CPA6: variants seen among roughly 807,000 people sequenced by gnomAD.
The protein encoded by CPA6 is carboxypeptidase B.
Under a neutral mutation model 63.3 loss-of-function variants are expected in CPA6, and 58 were observed. The ratio of observed to expected loss-of-function variants is 0.92; its 90% CI spans 0.74 to 1.14. CPA6 has a LOEUF of 1.14. Ranked by LOEUF, CPA6 falls within the 50% of genes most tolerant of loss-of-function variation. CPA6 has a pLI of 0.00. For synonymous variants in CPA6, 185 were observed against 179.0 expected (o/e 1.03, Z -0.27); for missense variants, 565 against 526.6 (o/e 1.07, Z -0.71).
At chr8:67,715,025 G>C (rs1817348369) in intron 1 of CPA6, among the ~76,000 whole-genome samples, 1 of 152,204 alleles carries the variant, frequency 6.6e-6, no homozygotes. Context: ...TCACCGATAA[G>C]AGAACTACTC....
In CPA6 at chr8:67,475,926, CTTTCTTTCTCTTTCTTTCTCTG is replaced by C. The variant is rs1162454615; in HGVS notation, c.838+7820_838+7841del. Among the ~76,000 whole-genome samples, 34 of 81,224 alleles carry C rather than the reference CTTTCTTTCTCTTTCTTTCTCTG, an allele frequency of 4.2e-4. 1 individual carries two copies. The highest frequency in any genetic ancestry group is 2.1e-3 in the African/African-American group (34 of 16,144). The allele number at this position is 81,224 out of a possible 152,430, so 53.3% of individuals were successfully genotyped here. ...TCTTTCTTTCTTTCTTTCTTTCTTT[CTTTCTTTCTCTTTCTTTCTCTG>C]TCTTTCTTTCTCTTTCTCTCTCTCT... On this transcript the variant is annotated intron_variant, in intron 8 of 10. Transcript: ENST00000297770.
intron 9 of CPA6, among the ~76,000 whole-genome samples, chr8:67,430,294 C>G (rs368975864): frequency 1.9e-4 from 29 of 151,550 alleles, no homozygotes; most frequent in African/African-American, 6.5e-4. Flanking sequence ...ATTCTCCTGC[C>G]TTAGCCTCCC....
intron 6 of CPA6, among the ~76,000 whole-genome samples, chr8:67,492,522 C>T (rs868639610): frequency 2.6e-5 from 4 of 151,944 alleles, no homozygotes; most frequent in South Asian, 4.1e-4. Context: ...CAGTATTTCT[C>T]ATGATTTAAA....
chr8:67,665,753 G>A (rs1194813738), intron 1 of CPA6, among the ~76,000 whole-genome samples: 1 of 152,174 alleles, frequency 6.6e-6, no homozygotes, highest in Admixed American at 6.5e-5. Context: ...TAAAGTTTGA[G>A]CATGAGCTTT....
chr8:67,587,393 C>T (rs1813971717), intron 2 of CPA6, among the ~76,000 whole-genome samples: 1 of 152,070 alleles, frequency 6.6e-6, no homozygotes, highest in African/African-American at 2.4e-5. Context: ...GGAGTTGGGG[C>T]TAGACTGGAG....
chr8:67,621,508 A>G (rs1323435712), intron 2 of CPA6, among the ~76,000 whole-genome samples: 3 of 152,234 alleles, frequency 2.0e-5, no homozygotes, highest in Admixed American at 6.5e-5. Flanking sequence ...TTTGGGTCCT[A>G]GAGGGCTTGA....
intron 1 of CPA6, chr8:67,735,111 AAG>A (rs1473583447): frequency 6.6e-6 from 1 of 152,210 alleles, no homozygotes; most frequent in African/African-American, 2.4e-5. Flanking sequence ...AGAAAGCAGG[AAG>A]AGTGTGTTGA....
At chr8:67,480,127 A>G (rs1258122688) in intron 8 of CPA6, among the ~76,000 whole-genome samples, 1 of 152,180 alleles carries the variant, frequency 6.6e-6, no homozygotes, top group Non-Finnish European at 1.5e-5. Flanking sequence ...AAGAGTTATT[A>G]TGTTTCAATA....
chr8:67,646,854 T>C (rs1384863661), intron 1 of CPA6, among the ~76,000 whole-genome samples: 1 of 152,196 alleles, frequency 6.6e-6, no homozygotes, highest in African/African-American at 2.4e-5. Context: ...AGACAGTCCA[T>C]GTTTCTGCAG....
At chr8:67,546,134 T>G (rs931679163) in intron 2 of CPA6, among the ~76,000 whole-genome samples, 8 of 152,086 alleles carry the variant, frequency 5.3e-5, no homozygotes, top group Non-Finnish European at 1.5e-5. Context: ...TCAGGTTTTG[T>G]GGGAACCTGA....
chr8:67,603,796 C>T (rs1462364869), intron 2 of CPA6, among the ~76,000 whole-genome samples: 1 of 152,186 alleles, frequency 6.6e-6, no homozygotes. Context: ...TTGCTAACCC[C>T]AGATCAAACT....
intron 1 of CPA6, among the ~76,000 whole-genome samples, chr8:67,637,074 G>A (rs1815484802): frequency 6.6e-6 from 1 of 151,580 alleles, no homozygotes; most frequent in South Asian, 2.1e-4. Context: ...CTTCACTCTT[G>A]GATTAAAGTT....
intron 8 of CPA6, among the ~76,000 whole-genome samples, chr8:67,439,305 A>G (rs1810234430): frequency 6.6e-6 from 1 of 150,786 alleles, no homozygotes; most frequent in South Asian, 2.1e-4. Context: ...AAAAGAAAAG[A>G]GGCTGGGCAT....
chr8:67,702,260 A>G (rs551165473), intron 1 of CPA6, among the ~76,000 whole-genome samples: 101 of 152,352 alleles, frequency 6.6e-4, no homozygotes, highest in African/African-American at 2.3e-3. Flanking sequence ...AGAAAATTAT[A>G]TAGAATGAAT....
intron 8 of CPA6, among the ~76,000 whole-genome samples, chr8:67,436,922 GAA>G (rs1810169947): frequency 6.6e-6 from 1 of 152,164 alleles, no homozygotes; most frequent in Admixed American, 6.5e-5. Flanking sequence ...TACTGAACAT[GAA>G]AAGACAGCCC....
chr8:67,422,730 A>G (rs757297529), intron 10 of CPA6, 39 bp from the exon 11 acceptor site: 2 of 1,503,122 alleles, frequency 1.3e-6, no homozygotes, highest in Non-Finnish European at 1.8e-6. Context: ...CAGCCTCACT[A>G]AAGAGTCAGT....
intron 8 of CPA6, among the ~76,000 whole-genome samples, chr8:67,447,848 C>G (rs1196321135): frequency 6.6e-6 from 1 of 151,942 alleles, no homozygotes; most frequent in Non-Finnish European, 1.5e-5. Context: ...GCAGTGGCAC[C>G]ATCTCAGCTC....
chr8:67,438,007 C>T (rs1325592303), intron 8 of CPA6, among the ~76,000 whole-genome samples: 2 of 152,130 alleles, frequency 1.3e-5, no homozygotes, highest in African/African-American at 4.8e-5. Flanking sequence ...CCTCTGCCTC[C>T]TTGAGTTCAA....
chr8:67,644,302 T>C (rs1369005777), intron 1 of CPA6, among the ~76,000 whole-genome samples: 1 of 152,114 alleles, frequency 6.6e-6, no homozygotes, highest in Non-Finnish European at 1.5e-5. Flanking sequence ...GTATTTTTAG[T>C]AGAGACGGCG....
Sources: allele counts gnomAD v4.1 joint callset (sites outside exome capture counted in the v4.1 genomes callset), GRCh38; gene constraint gnomAD v4.1.1; transcripts MANE v1.5; gene names NCBI Gene and HGNC (gene_info 2026-07-23, HGNC 2026-07-21).